Variants in LYRM4 observed in about 807,000 individuals in gnomAD.
LYRM4 encodes the protein LYR motif-containing protein 4.
In LYRM4, 9 loss-of-function variants were observed where a neutral mutation model predicts 11.7. The observed-to-expected ratio is 0.77, with a 90% CI of 0.46 to 1.34. The LOEUF is 1.34. Among genes scored for constraint, LYRM4 ranks in the 40% most tolerant of loss-of-function variants. The probability of loss-of-function intolerance (pLI) is 0.00; values close to 1 mark genes in which losing one functional copy is unlikely to be tolerated. For missense variants in LYRM4, 133 were observed against 112.5 expected (o/e 1.18, Z -0.82); for synonymous variants, 42 against 40.4 (o/e 1.04, Z -0.15).
intron 2 of LYRM4, 62 bp from the exon 3 acceptor site, chr6:5,109,553 G>A (rs1762782809): frequency 2.7e-6 from 4 of 1,495,762 alleles, no homozygotes; most frequent in South Asian, 1.1e-5. Context: ...GGAAAGGCCA[G>A]AAGGAACATT....
chr6:5,110,920 A>G (rs1762852644), intron 2 of LYRM4, among the ~76,000 whole-genome samples: 1 of 152,188 alleles, frequency 6.6e-6, no homozygotes, highest in Non-Finnish European at 1.5e-5. Context: ...TTTAGGTGGC[A>G]AGGTCGGAAA....
At chr6:5,046,865 G>A in the LYRM4 span, among the ~76,000 whole-genome samples, 1 of 152,160 alleles carries the variant, frequency 6.6e-6, no homozygotes, top group Non-Finnish European at 1.5e-5. Flanking sequence ...CAAGAAGGGT[G>A]GATCGCTTGA....
chr6:5,165,569 A>C, intron 2 of LYRM4, among the ~76,000 whole-genome samples: 1 of 151,018 alleles, frequency 6.6e-6, no homozygotes, highest in African/African-American at 2.4e-5. Flanking sequence ...TTGAGACAGA[A>C]TCTCACTCTG....
At chr6:5,092,556 G>GAA in the LYRM4 span, among the ~76,000 whole-genome samples, 502 of 147,670 alleles carry the variant, frequency 3.4e-3, 4 homozygotes, top group South Asian at 0.032. Flanking sequence ...CTAAAAATAT[G>GAA]AAAAAAAAAA....
intron 2 of LYRM4, among the ~76,000 whole-genome samples, chr6:5,169,217 C>T (rs979608131): frequency 1.3e-5 from 2 of 152,150 alleles, no homozygotes; most frequent in Admixed American, 1.3e-4. Flanking sequence ...GTGTGTGCCA[C>T]CGTGCCTGGC....
intron 2 of LYRM4, among the ~76,000 whole-genome samples, chr6:5,121,719 G>A (rs556768220): frequency 5.3e-5 from 8 of 152,360 alleles, no homozygotes; most frequent in African/African-American, 1.9e-4. Context: ...AACTGCCAGA[G>A]GTAATGTCCC....
intron 2 of LYRM4, among the ~76,000 whole-genome samples, chr6:5,165,974 C>G (rs1426366674): frequency 6.6e-6 from 1 of 151,996 alleles, no homozygotes; most frequent in Admixed American, 6.6e-5. Flanking sequence ...ATTATTTAAG[C>G]AAACGAGTAT....
At chr6:5,246,028 C>A (rs1057431897) in intron 1 of LYRM4, among the ~76,000 whole-genome samples, 1 of 152,126 alleles carries the variant, frequency 6.6e-6, no homozygotes, top group African/African-American at 2.4e-5. Context: ...TATTCTTCTT[C>A]TTTCCTTTAA....
the LYRM4 span, among the ~76,000 whole-genome samples, chr6:5,073,896 G>A: frequency 6.6e-6 from 1 of 152,300 alleles, no homozygotes; most frequent in East Asian, 1.9e-4. Flanking sequence ...TGGAGGTGGC[G>A]TTCTTCTGCG....
chr6:5,040,034 TTAGA>T, the LYRM4 span, among the ~76,000 whole-genome samples: 16 of 152,170 alleles, frequency 1.1e-4, no homozygotes, highest in Admixed American at 2.6e-4. Context: ...GATAGATCAA[TTAGA>T]TAGCCATATG....
At chr6:5,064,574 A>G in the LYRM4 span, among the ~76,000 whole-genome samples, 5 of 151,834 alleles carry the variant, frequency 3.3e-5, no homozygotes, top group South Asian at 1.0e-3. Flanking sequence ...TTTGCTTAAA[A>G]TTTTTTTTTA....
intron 1 of LYRM4, 37 bp downstream of exon 1, chr6:5,260,611 G>GGGCCCCCCC: frequency 7.3e-7 from 1 of 1,377,684 alleles, no homozygotes; most frequent in Non-Finnish European, 9.8e-7. Flanking sequence ...CCGGCCCCTG[G>GGGCCCCCCC]CCCCCCGCCC....
At chr6:5,154,362 CT>C (rs1429699922) in intron 2 of LYRM4, among the ~76,000 whole-genome samples, 4 of 152,192 alleles carry the variant, frequency 2.6e-5, no homozygotes, top group African/African-American at 9.6e-5. Flanking sequence ...CTGACCACCC[CT>C]ATTCCCCCAT....
chr6:5,210,558 T>C (rs1761939329), intron 2 of LYRM4, among the ~76,000 whole-genome samples: 1 of 152,216 alleles, frequency 6.6e-6, no homozygotes, highest in Non-Finnish European at 1.5e-5. Flanking sequence ...TCATCTTAAC[T>C]ATTTTTAAGC....
chr6:5,186,928 G>A, intron 2 of LYRM4: 2 of 471,136 alleles, frequency 4.2e-6, no homozygotes, highest in South Asian at 3.6e-5. Flanking sequence ...AGGTTGTAGT[G>A]AGCTGAGATC....
At chr6:5,155,322 C>T (rs1758350342) in intron 2 of LYRM4, among the ~76,000 whole-genome samples, 1 of 152,206 alleles carries the variant, frequency 6.6e-6, no homozygotes, top group Non-Finnish European at 1.5e-5. Context: ...CTCAAGTGAT[C>T]TGCCTGCCTT....
intron 2 of LYRM4, among the ~76,000 whole-genome samples, chr6:5,188,227 C>T (rs1760537167): frequency 6.6e-6 from 1 of 151,894 alleles, no homozygotes; most frequent in Non-Finnish European, 1.5e-5. Context: ...CAAAAATTAG[C>T]TGGGAGTGGT....
At chr6:5,220,627 C>T (rs1047666314) in intron 1 of LYRM4, among the ~76,000 whole-genome samples, 2 of 152,164 alleles carry the variant, frequency 1.3e-5, no homozygotes, top group African/African-American at 4.8e-5. Flanking sequence ...CCACAGGGCC[C>T]AGAGGAGGGT....
the LYRM4 span, chr6:5,065,792 T>G: frequency 3.3e-6 from 1 of 306,684 alleles, no homozygotes; most frequent in African/African-American, 2.2e-5. Context: ...GACAGTCTAG[T>G]TGCTACATAT....
Sources: gnomAD v4.1 joint callset for allele counts (sites outside exome capture counted in the v4.1 genomes callset) on GRCh38, gnomAD v4.1.1 for gene constraint, MANE v1.5 for transcripts, NCBI Gene and HGNC (gene_info 2026-07-23, HGNC 2026-07-21) for gene names.